The following RBMS2 variants were observed in gnomAD, a reference collection of about 807,000 sequenced individuals.
RBMS2 encodes the protein RNA binding motif single stranded interacting protein 2, also known as RNA-binding motif, single-stranded-interacting protein 2.
Under a neutral mutation model 58.4 loss-of-function variants are expected in RBMS2, and 38 were observed. That is an observed-to-expected ratio of 0.65 (90% CI 0.50 to 0.85). The LOEUF is 0.85. Among genes scored for constraint, RBMS2 ranks in the 40% least tolerant of loss-of-function variants. The pLI is 0.00. For missense variants in RBMS2, 367 were observed against 503.7 expected (o/e 0.73, Z 2.60); for synonymous variants, 151 against 180.7 (o/e 0.84, Z 1.32).
intron 1 of RBMS2, among the ~76,000 whole-genome samples, chr12:56,561,658 C>T (rs1880412562): frequency 6.6e-6 from 1 of 151,006 alleles, no homozygotes; most frequent in Non-Finnish European, 1.5e-5. Flanking sequence ...AGGCGAGTGC[C>T]ACTGCACCTG....
chr12:56,569,107 C>A, intron 3 of RBMS2, 74 bp downstream of exon 3: 2 of 1,287,326 alleles, frequency 1.6e-6, no homozygotes, highest in Non-Finnish European at 2.3e-6. Flanking sequence ...CCCTTTACTG[C>A]TGAGAGTCCT....
At chr12:56,554,861 G>A (rs1306812550) in intron 1 of RBMS2, among the ~76,000 whole-genome samples, 4 of 152,110 alleles carry the variant, frequency 2.6e-5, no homozygotes, top group Non-Finnish European at 5.9e-5. Context: ...ATACATGGAT[G>A]TGCCATATTA....
chr12:56,522,614 C>A (rs1871931397), intron 1 of RBMS2, among the ~76,000 whole-genome samples: 1 of 152,148 alleles, frequency 6.6e-6, no homozygotes, highest in Non-Finnish European at 1.5e-5. Flanking sequence ...CCTACCCCAC[C>A]CAGCCTATAG....
At position 56,589,932 on chromosome 12, in the gene RBMS2, C is replaced by T. The variant is rs1279496070; in HGVS notation, c.*799C>T. Reference sequence around the variant, plus strand: ...CCATGGAAGTGGCTGTTCTTTCCCCCACCCTGCCACACCCTGGGAGAAAAA... The same window carrying T: ...CCATGGAAGTGGCTGTTCTTTCCCCTACCCTGCCACACCCTGGGAGAAAAA... On this transcript the variant is annotated 3_prime_UTR_variant, in exon 14 of 14. Transcript: ENST00000262031. The T allele has an allele frequency of 2.0e-5, 3 of 152,354 alleles. No homozygotes were observed. Among genetic ancestry groups the T allele is most frequent in the Non-Finnish European group, 4.4e-5 (3 of 68,128 alleles). 9.4% of individuals were successfully genotyped at this position (152,354 alleles called of 1,614,324 possible). A position where few individuals can be genotyped will look rare whatever the true frequency, so the allele number is the denominator to read the frequency against.
In RBMS2 at chr12:56,586,941, G is replaced by A. The variant is rs1156779426; in HGVS notation, c.951+15G>A. 2.5e-6 allele frequency: 4 copies of A among 1,607,158 alleles called. No homozygotes were observed. The highest frequency in any genetic ancestry group is 3.4e-6 in the Non-Finnish European group (4 of 1,173,792). ...TGCAGCCTTCAGTGAGTATTCAGAA[G>A]TGGGCAGAAGCCAAAGAGGCAATTT... On this transcript the variant is annotated intron_variant, in intron 10 of 13. Coordinates refer to ENST00000262031, the MANE Select transcript of RBMS2 (RefSeq NM_002898.4).
intron 5 of RBMS2, among the ~76,000 whole-genome samples, chr12:56,580,918 C>A (rs1483941796): frequency 6.6e-6 from 1 of 152,098 alleles, no homozygotes; most frequent in African/African-American, 2.4e-5. Flanking sequence ...ATGGCAGATA[C>A]AAGAGAGGGC....
intron 2 of RBMS2, among the ~76,000 whole-genome samples, chr12:56,568,276 T>A (rs904534674): frequency 6.6e-6 from 1 of 152,098 alleles, no homozygotes; most frequent in African/African-American, 2.4e-5. Flanking sequence ...CAAAAGAAAA[T>A]AAGTAATGGC....
chr12:56,544,190 C>T (rs956310447), intron 1 of RBMS2, among the ~76,000 whole-genome samples: 2 of 151,906 alleles, frequency 1.3e-5, no homozygotes, highest in African/African-American at 2.4e-5. Context: ...GCAGGAGACT[C>T]GTTTGAACCC....
intron 2 of RBMS2, among the ~76,000 whole-genome samples, chr12:56,568,515 A>AT (rs1881741401): frequency 6.7e-6 from 1 of 149,018 alleles, no homozygotes; most frequent in African/African-American, 2.5e-5. Flanking sequence ...TAAGTGTGGC[A>AT]TTTTTAACCC....
chr12:56,582,200 G>C (rs1473995291), intron 9 of RBMS2, 48 bp downstream of exon 9: 2 of 1,469,652 alleles, frequency 1.4e-6, no homozygotes, highest in South Asian at 2.4e-5. Flanking sequence ...CTACTACTGT[G>C]CTTTAAGTGA....
At chr12:56,558,844 C>G (rs970656127) in intron 1 of RBMS2, among the ~76,000 whole-genome samples, 1 of 151,952 alleles carries the variant, frequency 6.6e-6, no homozygotes, top group Non-Finnish European at 1.5e-5. Flanking sequence ...GAGGGATCCG[C>G]CTGCTTCAGC....
chr12:56,531,154 T>C (rs1346386123), intron 1 of RBMS2, among the ~76,000 whole-genome samples: 2 of 152,190 alleles, frequency 1.3e-5, no homozygotes. Flanking sequence ...ATTGGAATCA[T>C]TTAGGTAATT....
chr12:56,566,837 A>G (rs1881430329), intron 2 of RBMS2, among the ~76,000 whole-genome samples: 2 of 152,154 alleles, frequency 1.3e-5, no homozygotes, highest in African/African-American at 2.4e-5. Context: ...AAAAGAAAAC[A>G]CAACTGTCAT....
At chr12:56,553,279 G>A (rs1474747051) in intron 1 of RBMS2, among the ~76,000 whole-genome samples, 1 of 151,762 alleles carries the variant, frequency 6.6e-6, no homozygotes, top group African/African-American at 2.4e-5. Flanking sequence ...AGTCTCTTGA[G>A]TAGCTGGGAC....
intron 2 of RBMS2, among the ~76,000 whole-genome samples, chr12:56,562,843 C>T (rs1880671978): frequency 6.6e-6 from 1 of 152,162 alleles, no homozygotes; most frequent in Non-Finnish European, 1.5e-5. Context: ...CTGCTACTGG[C>T]CGGGTGCGGT....
chr12:56,559,307 C>T (rs1879914358), intron 1 of RBMS2, among the ~76,000 whole-genome samples: 2 of 151,568 alleles, frequency 1.3e-5, no homozygotes, highest in Non-Finnish European at 2.9e-5. Context: ...GCCTTAGCCT[C>T]CCTGAGTAGC....
chr12:56,532,179 G>A (rs10783786), intron 1 of RBMS2, among the ~76,000 whole-genome samples: 68,220 of 151,364 alleles, frequency 0.45, 16,194 homozygotes, highest in East Asian at 0.6. Context: ...AGATCGTGCC[G>A]TTGTACTCCA....
At chr12:56,566,838 C>T (rs1451860690) in intron 2 of RBMS2, among the ~76,000 whole-genome samples, 2 of 152,024 alleles carry the variant, frequency 1.3e-5, no homozygotes, top group African/African-American at 2.4e-5. Flanking sequence ...AAAGAAAACA[C>T]AACTGTCATG....
chr12:56,553,415 G>A (rs1334401167), intron 1 of RBMS2, among the ~76,000 whole-genome samples: 1 of 151,848 alleles, frequency 6.6e-6, no homozygotes, highest in Non-Finnish European at 1.5e-5. Flanking sequence ...TACAACCTCC[G>A]CCTCCCAGGT....
Sources: gnomAD v4.1 joint callset for allele counts (sites outside exome capture counted in the v4.1 genomes callset) on GRCh38, gnomAD v4.1.1 for gene constraint, MANE v1.5 for transcripts, NCBI Gene and HGNC (gene_info 2026-07-23, HGNC 2026-07-21) for gene names.